GALNT13: variants seen among roughly 807,000 people sequenced by gnomAD.
The protein encoded by GALNT13 is polypeptide N-acetylgalactosaminyltransferase 13.
A neutral mutation model predicts 64.2 loss-of-function variants in GALNT13; 28 were observed. The ratio of observed to expected loss-of-function variants is 0.44; its 90% confidence interval spans 0.32 to 0.60. GALNT13 has a LOEUF of 0.60. Ranked by LOEUF, GALNT13 falls within the 20% of genes least tolerant of loss-of-function variation. The pLI is 0.05. For missense variants in GALNT13, 577 were observed against 669.8 expected, an observed-to-expected ratio of 0.86 and a Z score of 1.53; for synonymous variants, 214 against 224.6, an observed-to-expected ratio of 0.95 and a Z score of 0.42.
At chr2:153,633,060 G>A in the GALNT13 span, among the ~76,000 whole-genome samples, 438 of 151,944 alleles carry the variant, frequency 2.9e-3, 9 homozygotes, top group Admixed American at 0.023. Context: ...CATACGCAGC[G>A]CCATCTATTT....
At chr2:153,077,298 A>G in the GALNT13 span, among the ~76,000 whole-genome samples, 357 of 152,220 alleles carry the variant, frequency 2.3e-3, 4 homozygotes, top group African/African-American at 8.1e-3. Context: ...AAAAAATGGT[A>G]TTTTTATTGG....
At chr2:153,834,437 G>C in the GALNT13 span, among the ~76,000 whole-genome samples, 3 of 152,162 alleles carry the variant, frequency 2.0e-5, no homozygotes, top group African/African-American at 7.2e-5. Flanking sequence ...GTTGGGAGTG[G>C]TGGCAACCTG....
At chr2:154,238,672 A>G (rs532455399) in intron 4 of GALNT13, among the ~76,000 whole-genome samples, 52 of 152,118 alleles carry the variant, frequency 3.4e-4, no homozygotes, top group Non-Finnish European at 6.5e-4. Flanking sequence ...ATAGTACAGA[A>G]GGAGTCTTCT....
chr2:154,350,177 T>C (rs891862234), intron 9 of GALNT13, among the ~76,000 whole-genome samples: 5 of 152,178 alleles, frequency 3.3e-5, no homozygotes, highest in African/African-American at 1.2e-4. Flanking sequence ...CTTGATTGGA[T>C]TGAAGGGTGC....
chr2:154,376,780 T>A (rs757199688), intron 9 of GALNT13, among the ~76,000 whole-genome samples: 1 of 152,162 alleles, frequency 6.6e-6, no homozygotes, highest in Non-Finnish European at 1.5e-5. Context: ...GGATTTTCCA[T>A]GTTTCCATAA....
the GALNT13 span, among the ~76,000 whole-genome samples, chr2:153,223,914 G>A: frequency 2.0e-5 from 3 of 152,122 alleles, no homozygotes; most frequent in African/African-American, 4.8e-5. Context: ...AGGTTGCAGC[G>A]AGCCAAGATC....
At chr2:153,792,677 A>G in the GALNT13 span, among the ~76,000 whole-genome samples, 251 of 152,252 alleles carry the variant, frequency 1.6e-3, 1 homozygote, top group African/African-American at 5.5e-3. Context: ...GGTATACTCT[A>G]ATTGGTATAA....
chr2:154,161,596 C>G (rs74389566), intron 4 of GALNT13, among the ~76,000 whole-genome samples: 4 of 152,162 alleles, frequency 2.6e-5, no homozygotes, highest in Non-Finnish European at 5.9e-5. Flanking sequence ...AGTTCTATCT[C>G]AAGAACTCAA....
intron 3 of GALNT13, among the ~76,000 whole-genome samples, chr2:154,133,580 A>ATATATATATG (rs1249623892): frequency 5.7e-5 from 7 of 123,574 alleles, no homozygotes; most frequent in Non-Finnish European, 1.1e-4. Flanking sequence ...ATATATATAT[A>ATATATATATG]TATATCTGAG....
chr2:154,193,386 A>G (rs988192782), intron 4 of GALNT13, among the ~76,000 whole-genome samples: 2 of 152,202 alleles, frequency 1.3e-5, no homozygotes, highest in Admixed American at 1.3e-4. Context: ...GTTCAGTTGC[A>G]TCTCCAGAAT....
At chr2:153,673,083 C>A in the GALNT13 span, among the ~76,000 whole-genome samples, 26 of 152,052 alleles carry the variant, frequency 1.7e-4, no homozygotes, top group East Asian at 4.6e-3. Flanking sequence ...GCCAACCAAA[C>A]AAAGTCCAGG....
the GALNT13 span, among the ~76,000 whole-genome samples, chr2:153,763,883 G>C: frequency 1.1e-4 from 13 of 119,110 alleles, no homozygotes; most frequent in Non-Finnish European, 2.1e-4. Context: ...GGAAAGTTTG[G>C]AACTTCTAGA....
the GALNT13 span, among the ~76,000 whole-genome samples, chr2:153,726,257 G>C: frequency 5.8e-4 from 88 of 152,200 alleles, no homozygotes; most frequent in African/African-American, 1.9e-3. Flanking sequence ...ATTTGGAAAA[G>C]TTTAATTTGA....
At chr2:153,755,389 A>G in the GALNT13 span, among the ~76,000 whole-genome samples, 1 of 151,938 alleles carries the variant, frequency 6.6e-6, no homozygotes, top group Non-Finnish European at 1.5e-5. Context: ...TCAATTTCCC[A>G]TTTGCCCACA....
intron 10 of GALNT13, among the ~76,000 whole-genome samples, chr2:154,405,182 G>C (rs1192915330): frequency 6.6e-6 from 1 of 151,896 alleles, no homozygotes; most frequent in Non-Finnish European, 1.5e-5. Context: ...CATAAATTTA[G>C]AAAAACTGAA....
the GALNT13 span, among the ~76,000 whole-genome samples, chr2:153,147,336 A>C: frequency 6.6e-6 from 1 of 151,752 alleles, no homozygotes; most frequent in South Asian, 2.1e-4. Flanking sequence ...CCGGGACAAA[A>C]ATCTGTTCAA....
the GALNT13 span, among the ~76,000 whole-genome samples, chr2:153,125,037 C>G: frequency 6.6e-6 from 1 of 151,940 alleles, no homozygotes; most frequent in South Asian, 2.1e-4. Flanking sequence ...ACAGGATTAC[C>G]AATTAGATTT....
the GALNT13 span, among the ~76,000 whole-genome samples, chr2:153,314,217 A>T: frequency 6.6e-6 from 1 of 152,188 alleles, no homozygotes; most frequent in African/African-American, 2.4e-5. Context: ...CTTGAAGATA[A>T]ATCTGTTGAG....
intron 3 of GALNT13, among the ~76,000 whole-genome samples, chr2:153,978,984 T>A (rs1186846804): frequency 6.6e-6 from 1 of 152,078 alleles, no homozygotes; most frequent in Non-Finnish European, 1.5e-5. Context: ...AACAATACAG[T>A]AATATGCTCC....
Sources: gnomAD v4.1 joint callset for allele counts (sites outside exome capture counted in the v4.1 genomes callset) on GRCh38, gnomAD v4.1.1 for gene constraint, MANE v1.5 for transcripts, NCBI Gene and HGNC (gene_info 2026-07-23, HGNC 2026-07-21) for gene names.